RPS6KC1: variants seen among roughly 807,000 people sequenced by gnomAD.
RPS6KC1 encodes the protein ribosomal protein S6 kinase C1.
Under a neutral mutation model 103.8 loss-of-function variants are expected in RPS6KC1, and 54 were observed. The ratio of observed to expected loss-of-function variants is 0.52; its 90% CI spans 0.42 to 0.65. RPS6KC1 has a LOEUF of 0.65. Among genes scored for constraint, RPS6KC1 ranks in the 30% least tolerant of loss-of-function variants. RPS6KC1 has a pLI of 0.00. For synonymous variants in RPS6KC1, 439 were observed against 438.7 expected, an observed-to-expected ratio of 1.00 and a Z score of -0.01; for missense variants, 1,151 against 1,253.8, an observed-to-expected ratio of 0.92 and a Z score of 1.24.
chr1:213,670,695 T>C, the RPS6KC1 span, among the ~76,000 whole-genome samples: 2 of 152,166 alleles, frequency 1.3e-5, no homozygotes, highest in South Asian at 4.2e-4. Context: ...AGGACTGACC[T>C]GGAAGCTGCA....
the RPS6KC1 span, among the ~76,000 whole-genome samples, chr1:213,384,309 C>T: frequency 2.7e-5 from 4 of 150,774 alleles, no homozygotes; most frequent in Non-Finnish European, 5.9e-5. Flanking sequence ...TAAATCTCAG[C>T]ATGGTGTTTG....
the RPS6KC1 span, among the ~76,000 whole-genome samples, chr1:213,768,527 T>C: frequency 5.9e-5 from 9 of 152,328 alleles, no homozygotes; most frequent in South Asian, 8.3e-4. Flanking sequence ...TTTGAAAGAT[T>C]CCTCCTTATA....
chr1:213,707,765 G>A, the RPS6KC1 span, among the ~76,000 whole-genome samples: 1 of 152,144 alleles, frequency 6.6e-6, no homozygotes, highest in Non-Finnish European at 1.5e-5. Context: ...CATATGGCTA[G>A]CCAGTTTTCT....
At chr1:213,519,964 T>A in the RPS6KC1 span, among the ~76,000 whole-genome samples, 8 of 152,212 alleles carry the variant, frequency 5.3e-5, no homozygotes, top group African/African-American at 1.9e-4. Flanking sequence ...GGTGAGAGAT[T>A]ACAGTTTTGA....
chr1:213,690,351 A>G, the RPS6KC1 span, among the ~76,000 whole-genome samples: 1 of 152,140 alleles, frequency 6.6e-6, no homozygotes, highest in Admixed American at 6.5e-5. Context: ...AAAGCAGTAG[A>G]CTTTTCTGGG....
At chr1:213,277,344 G>A (rs2095114273), downstream of RPS6KC1, among the ~76,000 whole-genome samples, 1 of 152,124 alleles carries the variant, frequency 6.6e-6, no homozygotes, top group African/African-American at 2.4e-5. Context: ...TTGTATTTTT[G>A]GTCCCTATCA....
chr1:213,409,277 T>C, the RPS6KC1 span, among the ~76,000 whole-genome samples: 1,007 of 151,964 alleles, frequency 6.6e-3, 7 homozygotes, highest in African/African-American at 0.023. Flanking sequence ...CGCAATTACT[T>C]TTGCACCAAC....
chr1:213,199,605 C>T (rs1282015649), intron 8 of RPS6KC1, among the ~76,000 whole-genome samples: 2 of 152,200 alleles, frequency 1.3e-5, no homozygotes, highest in African/African-American at 4.8e-5. Flanking sequence ...GATGCCCTCC[C>T]TTGCCACTCT....
At chr1:213,436,106 T>G in the RPS6KC1 span, among the ~76,000 whole-genome samples, 1 of 152,244 alleles carries the variant, frequency 6.6e-6, no homozygotes. Flanking sequence ...TTGTCCTTTT[T>G]GGGAGTTTCT....
At chr1:213,385,926 GCTGT>G in the RPS6KC1 span, among the ~76,000 whole-genome samples, 1 of 152,324 alleles carries the variant, frequency 6.6e-6, no homozygotes, top group Admixed American at 6.5e-5. Context: ...TTATTTACTG[GCTGT>G]CTAACTGTGG....
the RPS6KC1 span, among the ~76,000 whole-genome samples, chr1:213,469,971 C>T: frequency 2.0e-5 from 3 of 152,258 alleles, no homozygotes; most frequent in East Asian, 5.8e-4. Flanking sequence ...TATGATCGTA[C>T]CACTGTGCTC....
the RPS6KC1 span, among the ~76,000 whole-genome samples, chr1:213,757,863 A>G: frequency 6.6e-6 from 1 of 152,318 alleles, no homozygotes; most frequent in South Asian, 2.1e-4. Context: ...GACCATTCTG[A>G]AAATCATAGG....
chr1:213,752,159 G>T, the RPS6KC1 span, among the ~76,000 whole-genome samples: 2 of 152,210 alleles, frequency 1.3e-5, no homozygotes, highest in East Asian at 3.9e-4. Context: ...TATTTTCAGA[G>T]AAAATACCCT....
At chr1:213,431,655 A>ATGTGTG in the RPS6KC1 span, among the ~76,000 whole-genome samples, 2,258 of 141,614 alleles carry the variant, frequency 0.016, 50 homozygotes, top group African/African-American at 0.051. Context: ...GTTTGTGTGT[A>ATGTGTG]TGTGTGTGTG....
intron 12 of RPS6KC1, among the ~76,000 whole-genome samples, chr1:213,260,636 A>C (rs1258950263): frequency 6.6e-6 from 1 of 152,000 alleles, no homozygotes; most frequent in Non-Finnish European, 1.5e-5. Flanking sequence ...ACCTATAGTC[A>C]AATAGTAGGG....
At chr1:213,325,560 C>T in the RPS6KC1 span, among the ~76,000 whole-genome samples, 1 of 152,300 alleles carries the variant, frequency 6.6e-6, no homozygotes, top group East Asian at 1.9e-4. Context: ...TTTCTAGTGC[C>T]CTTGCCCCCG....
the RPS6KC1 span, among the ~76,000 whole-genome samples, chr1:213,795,732 T>G: frequency 1.3e-5 from 2 of 151,946 alleles, no homozygotes; most frequent in Non-Finnish European, 2.9e-5. Flanking sequence ...ACGTCCACCA[T>G]GAAAATTCCT....
chr1:213,085,424 T>TAA (rs764285107), intron 3 of RPS6KC1, among the ~76,000 whole-genome samples: 4 of 152,190 alleles, frequency 2.6e-5, no homozygotes, highest in Admixed American at 1.3e-4. Flanking sequence ...GGATTAGCTT[T>TAA]AGGGAACCAG....
At chr1:213,448,853 T>A in the RPS6KC1 span, among the ~76,000 whole-genome samples, 1 of 151,798 alleles carries the variant, frequency 6.6e-6, no homozygotes, top group Non-Finnish European at 1.5e-5. Flanking sequence ...TTATAGAACA[T>A]CTTGAGCTTT....
Sources: gnomAD v4.1 joint callset for allele counts (sites outside exome capture counted in the v4.1 genomes callset) on GRCh38, gnomAD v4.1.1 for gene constraint, MANE v1.5 for transcripts, NCBI Gene and HGNC (gene_info 2026-07-23, HGNC 2026-07-21) for gene names.